CNTLN: variants seen among roughly 807,000 people sequenced by gnomAD.
CNTLN encodes the protein centlein, centrosomal protein.
CNTLN carries 212 observed loss-of-function variants against 180.0 expected under a neutral mutation model. The ratio of observed to expected loss-of-function variants is 1.18; its 90% CI spans 1.05 to 1.32. The LOEUF is 1.32. CNTLN is among the 40% of genes most tolerant of loss of function. CNTLN has a pLI of 0.00. For missense variants in CNTLN, 2,095 were observed against 1,610.9 expected (o/e 1.30, Z -5.14); for synonymous variants, 722 against 563.1 (o/e 1.28, Z -3.99).
chr9:17,152,065 G>T (rs568518904), intron 2 of CNTLN, among the ~76,000 whole-genome samples: 24 of 152,050 alleles, frequency 1.6e-4, no homozygotes, highest in Admixed American at 1.2e-3. Flanking sequence ...TCCTTTATTA[G>T]TCTGGCTAGC....
chr9:17,301,350 A>C, intron 7 of CNTLN: 1 of 985,396 alleles, frequency 1.0e-6, no homozygotes, highest in South Asian at 4.7e-5. Flanking sequence ...CATTATAGAA[A>C]ATGAGAGATG....
intron 1 of CNTLN, among the ~76,000 whole-genome samples, chr9:17,140,594 C>T (rs1272563678): frequency 2.6e-5 from 4 of 152,114 alleles, no homozygotes; most frequent in Non-Finnish European, 5.9e-5. Flanking sequence ...GCGTATTCCA[C>T]TATGGCTAGC....
intron 2 of CNTLN, among the ~76,000 whole-genome samples, chr9:17,218,982 G>A (rs1823948072): frequency 6.6e-6 from 1 of 152,130 alleles, no homozygotes; most frequent in African/African-American, 2.4e-5. Flanking sequence ...TTAGAAAAAT[G>A]ACTGAAAGTT....
downstream of CNTLN, among the ~76,000 whole-genome samples, chr9:17,504,621 AC>A (rs1484761590): frequency 6.6e-6 from 1 of 152,204 alleles, no homozygotes; most frequent in African/African-American, 2.4e-5. Flanking sequence ...GCCTGATGAA[AC>A]CACAAGTGCT....
At chr9:17,475,340 T>A (rs1312856820) in intron 23 of CNTLN, among the ~76,000 whole-genome samples, 1 of 151,934 alleles carries the variant, frequency 6.6e-6, no homozygotes, top group Admixed American at 6.6e-5. Flanking sequence ...TGGAACAATA[T>A]GGGGTATGAG....
chr9:17,208,882 A>G (rs1345196895), intron 2 of CNTLN, among the ~76,000 whole-genome samples: 3 of 152,056 alleles, frequency 2.0e-5, no homozygotes, highest in African/African-American at 7.2e-5. Flanking sequence ...GGATTTGTCA[A>G]TGTTATGTAT....
chr9:17,331,472 A>G (rs1381824855), intron 9 of CNTLN, among the ~76,000 whole-genome samples: 2 of 151,954 alleles, frequency 1.3e-5, no homozygotes, highest in Admixed American at 6.6e-5. Context: ...TTATTTCTAG[A>G]TAAATTGAAA....
chr9:17,378,884 T>C (rs556876910), intron 13 of CNTLN, among the ~76,000 whole-genome samples: 4 of 152,326 alleles, frequency 2.6e-5, no homozygotes, highest in South Asian at 2.1e-4. Flanking sequence ...TAGATCCATA[T>C]TTCCATCTGG....
In CNTLN at chr9:17,314,535, T is replaced by G. The variant is rs189567535; in HGVS notation, c.1341+5283T>G. 3.9e-5 allele frequency among the ~76,000 whole-genome samples: 6 copies of G among 152,332 alleles called. No individual in the cohort carries two copies. In the East Asian group the frequency reaches 1.2e-3, roughly 29 times the overall value. On this transcript the variant is annotated intron_variant, in intron 8 of 25. Transcript: ENST00000380647. Reference sequence around the variant, plus strand: ...TCTGCTTAGTGCATGAACAGTTCATTTATGAGTTCATAGTTTTGACTCTCT... The same window carrying G: ...TCTGCTTAGTGCATGAACAGTTCATGTATGAGTTCATAGTTTTGACTCTCT...
chr9:17,307,442 G>A lies in CNTLN; in HGVS notation c.1147-1616G>A, dbSNP rs777041823. Among the ~76,000 whole-genome samples the A allele has an allele frequency of 1.3e-4, 19 of 151,930 alleles. 1 individual carries two copies. The highest frequency in any genetic ancestry group is 8.8e-5 in the Non-Finnish European group (6 of 67,986). ...TGCTACCACGCCTGGGTAATTTTTTGTATTTTTGGTAGAGACGGGGATTCG... is the reference window on the plus strand; with the variant it reads ...TGCTACCACGCCTGGGTAATTTTTTATATTTTTGGTAGAGACGGGGATTCG... On this transcript the variant is annotated intron_variant, in intron 7 of 25. Coordinates refer to ENST00000380647, the MANE Select transcript of CNTLN (RefSeq NM_017738.4).
At chr9:17,387,866 T>G (rs1211199378) in intron 13 of CNTLN, among the ~76,000 whole-genome samples, 1 of 151,350 alleles carries the variant, frequency 6.6e-6, no homozygotes, top group Non-Finnish European at 1.5e-5. Flanking sequence ...GGGGGAATAG[T>G]CTACAAAAGA....
chr9:17,524,246 A>C, the CNTLN span, among the ~76,000 whole-genome samples: 3 of 152,310 alleles, frequency 2.0e-5, no homozygotes, highest in East Asian at 3.9e-4. Flanking sequence ...TCATGGGGTT[A>C]TGGAGGCTGA....
At chr9:17,181,598 A>G (rs774620604) in intron 2 of CNTLN, among the ~76,000 whole-genome samples, 2 of 152,224 alleles carry the variant, frequency 1.3e-5, no homozygotes, top group African/African-American at 2.4e-5. Flanking sequence ...TTCTGATTGA[A>G]TCTGGATGCT....
chr9:17,306,156 T>C (rs1037821754), intron 7 of CNTLN, among the ~76,000 whole-genome samples: 1 of 151,192 alleles, frequency 6.6e-6, no homozygotes, highest in African/African-American at 2.4e-5. Flanking sequence ...ATTTTTTTTT[T>C]TTTTTTTTTT....
chr9:17,263,179 C>T (rs1397671694), intron 5 of CNTLN, among the ~76,000 whole-genome samples: 1 of 144,436 alleles, frequency 6.9e-6, no homozygotes, highest in African/African-American at 2.7e-5. Context: ...TCTCCTAATG[C>T]TATCCCTCCC....
intron 2 of CNTLN, chr9:17,167,954 C>T (rs1036060749): frequency 5.9e-5 from 9 of 152,156 alleles, no homozygotes; most frequent in Admixed American, 2.6e-4. Flanking sequence ...TGTGTAGGTA[C>T]TCCATTGTCC....
At chr9:17,369,618 G>A (rs116792258) in intron 13 of CNTLN, among the ~76,000 whole-genome samples, 2,599 of 151,510 alleles carry the variant, frequency 0.017, 90 homozygotes, top group African/African-American at 0.06. Flanking sequence ...AATGAAAAAT[G>A]CACTGGAGTC....
intron 18 of CNTLN, among the ~76,000 whole-genome samples, chr9:17,436,206 T>C (rs1037287710): frequency 1.3e-5 from 2 of 152,204 alleles, no homozygotes; most frequent in African/African-American, 4.8e-5. Context: ...TATACTATTG[T>C]TTAGTTTATG....
intron 2 of CNTLN, among the ~76,000 whole-genome samples, chr9:17,213,963 G>A (rs1013031234): frequency 2.0e-5 from 3 of 152,052 alleles, no homozygotes; most frequent in African/African-American, 7.2e-5. Flanking sequence ...CAGGTGATAT[G>A]GGTCTTCTGA....
Sources: gnomAD v4.1 joint callset for allele counts (sites outside exome capture counted in the v4.1 genomes callset) on GRCh38, gnomAD v4.1.1 for gene constraint, MANE v1.5 for transcripts, NCBI Gene and HGNC (gene_info 2026-07-23, HGNC 2026-07-21) for gene names.